IL4R: variants seen among roughly 807,000 people sequenced by gnomAD.
The protein encoded by IL4R is interleukin-4 receptor subunit alpha.
In IL4R, 17 loss-of-function variants were observed where a neutral mutation model predicts 41.5. The observed-to-expected ratio is 0.41, with a 90% CI of 0.28 to 0.61. The LOEUF is 0.61. Ranked by LOEUF, IL4R falls within the 20% of genes least tolerant of loss-of-function variation. The pLI is 0.31. For synonymous variants in IL4R, 402 were observed against 422.9 expected (o/e 0.95, Z 0.61); for missense variants, 974 against 1,043.1 (o/e 0.93, Z 0.91).
chr16:27,339,004 G>A (rs776625120), intron 2 of IL4R, among the ~76,000 whole-genome samples: 5 of 151,806 alleles, frequency 3.3e-5, no homozygotes, highest in Non-Finnish European at 5.9e-5. Context: ...ACAGGTGCCC[G>A]CCACCACACT....
intron 6 of IL4R, among the ~76,000 whole-genome samples, chr16:27,347,277 G>A (rs917043853): frequency 6.6e-6 from 1 of 152,098 alleles, no homozygotes; most frequent in Non-Finnish European, 1.5e-5. Flanking sequence ...TGCAACCTCC[G>A]CCTCCTGGGT....
intron 1 of IL4R, among the ~76,000 whole-genome samples, chr16:27,327,936 G>T (rs138284155): frequency 1.3e-5 from 2 of 152,082 alleles, no homozygotes; most frequent in Non-Finnish European, 2.9e-5. Context: ...TTGAGGCCAG[G>T]TGCGGTAGCT....
At chr16:27,360,171 C>T (rs777570942) in intron 9 of IL4R, among the ~76,000 whole-genome samples, 28 of 152,212 alleles carry the variant, frequency 1.8e-4, no homozygotes, top group Admixed American at 3.9e-4. Context: ...TGTGCCACCA[C>T]GCCAGGCTAA....
intron 3 of IL4R, among the ~76,000 whole-genome samples, chr16:27,340,917 T>G (rs895611371): frequency 5.3e-5 from 8 of 152,108 alleles, no homozygotes; most frequent in Non-Finnish European, 1.0e-4. Flanking sequence ...GCACTGAGCC[T>G]GGCGGGAGGG....
Position 27,364,172 on chromosome 16 carries a change from C to T in IL4R, c.*342C>T, listed in dbSNP as rs1454194228. ...TCCACAGCTTCTGCAGCAGACTGTCCCTGTTGTAACTGCCCAAGGCATGTT... is the reference window on the plus strand; with the variant it reads ...TCCACAGCTTCTGCAGCAGACTGTCTCTGTTGTAACTGCCCAAGGCATGTT... On this transcript the variant is annotated 3_prime_UTR_variant, in exon 11 of 11. Coordinates refer to ENST00000395762, the MANE Select transcript of IL4R (RefSeq NM_000418.4). The T allele has an allele frequency of 5.3e-5, 13 of 247,534 alleles. No individual in the cohort carries two copies. Among genetic ancestry groups the T allele is most frequent in the Non-Finnish European group, 1.0e-4 (13 of 128,534 alleles). The allele number at this position is 247,534 out of a possible 1,614,324, so 15.3% of individuals were successfully genotyped here.
chr16:27,355,593 C>G (rs2086036009), intron 7 of IL4R: 1 of 512,070 alleles, frequency 2.0e-6, no homozygotes, highest in South Asian at 2.2e-5. Flanking sequence ...TGGCACTGAG[C>G]TTTGGAGGAG....
rs1342135408 is a variant in IL4R, at chr16:27,345,748, A to C, written c.362-719A>C. The C allele has an allele frequency of 6.5e-6, 1 of 153,646 alleles. No individual in the cohort carries two copies. Among genetic ancestry groups the C allele is most frequent in the African/African-American group, 2.4e-5 (1 of 41,390 alleles). The allele number at this position is 153,646 out of a possible 1,614,324, so 9.5% of individuals were successfully genotyped here. ...CACTTTGGGAGGCCGAGCCCAGCGG[A>C]TCACCGGAGGTCAGGAGTTCGAGAC... On this transcript the variant is annotated intron_variant, in intron 5 of 10. Transcript: ENST00000395762. This position sits in a 1 kb window ranked among gnomAD's most constrained non-coding sequence, Gnocchi z 4.5.
At chr16:27,356,655 G>A (rs1293064161) in intron 8 of IL4R, among the ~76,000 whole-genome samples, 1 of 152,104 alleles carries the variant, frequency 6.6e-6, no homozygotes, top group African/African-American at 2.4e-5. Flanking sequence ...TACAACGCTG[G>A]GTGCCTGGGC....
At chr16:27,315,875 C>CTGCAGTCACTCACCCCATTTACAACACA (rs1331545941) in intron 1 of IL4R, among the ~76,000 whole-genome samples, 2 of 152,152 alleles carry the variant, frequency 1.3e-5, no homozygotes, top group Non-Finnish European at 2.9e-5. Flanking sequence ...GGAGGAAAAC[C>CTGCAGTCACTCACCCCATTTACAACACA]TGCAGTCACT....
At chr16:27,354,630 G>A (rs951735419) in intron 7 of IL4R, among the ~76,000 whole-genome samples, 5 of 152,362 alleles carry the variant, frequency 3.3e-5, no homozygotes, top group Middle Eastern at 3.4e-3. Flanking sequence ...CCTGACAAGG[G>A]AGAGAGGAAA....
intron 1 of IL4R, among the ~76,000 whole-genome samples, chr16:27,327,095 C>T (rs903010955): frequency 2.0e-5 from 3 of 152,158 alleles, no homozygotes; most frequent in Non-Finnish European, 2.9e-5. Flanking sequence ...GGTTTCAGGC[C>T]AGTTTCTGTC....
intron 10 of IL4R, 161 bp downstream of exon 10, chr16:27,360,976 A>C: frequency 6.6e-7 from 1 of 1,504,086 alleles, no homozygotes; most frequent in Non-Finnish European, 8.9e-7. Context: ...TGTTCTGGAA[A>C]CGTGGACTGC....
rs958396780 is a variant in IL4R, at chr16:27,315,758, C to A, written c.-152+1738C>A. Among the ~76,000 whole-genome samples the A allele has an allele frequency of 2.0e-5, 3 of 152,272 alleles. No homozygotes were observed. In the East Asian group the frequency reaches 5.8e-4, roughly 29 times the overall value. On this transcript the variant is annotated intron_variant, in intron 1 of 10. Coordinates refer to ENST00000395762, the MANE Select transcript of IL4R (RefSeq NM_000418.4). Reference sequence around the variant, plus strand: ...GAATGCCATGCCAAGGAACTTGGGCCAGTGTATTCACCTTGGCTTGAGTTG... The same window carrying A: ...GAATGCCATGCCAAGGAACTTGGGCAAGTGTATTCACCTTGGCTTGAGTTG...
chr16:27,318,307 A>G (rs998012263), intron 1 of IL4R, among the ~76,000 whole-genome samples: 5 of 152,110 alleles, frequency 3.3e-5, no homozygotes, highest in African/African-American at 1.2e-4. Context: ...ATTCTGAACT[A>G]TGTCTGGCCC....
chr16:27,348,378 G>C (rs992981067), intron 6 of IL4R, among the ~76,000 whole-genome samples: 3 of 152,174 alleles, frequency 2.0e-5, no homozygotes, highest in Non-Finnish European at 2.9e-5. Flanking sequence ...GGATGGGCTG[G>C]GGGGAAGAGA....
At chr16:27,314,435 A>T (rs1465880577) in intron 1 of IL4R, among the ~76,000 whole-genome samples, 5 of 152,170 alleles carry the variant, frequency 3.3e-5, no homozygotes. Flanking sequence ...GAGAACTGTA[A>T]ATTTGAGTAG....
At chr16:27,327,085 G>A (rs1338674254) in intron 1 of IL4R, among the ~76,000 whole-genome samples, 6 of 152,174 alleles carry the variant, frequency 3.9e-5, no homozygotes, top group African/African-American at 9.6e-5. Context: ...CAGGAGCTGA[G>A]GTTTCAGGCC....
intron 1 of IL4R, among the ~76,000 whole-genome samples, chr16:27,319,536 A>G (rs2084750376): frequency 6.6e-6 from 1 of 152,202 alleles, no homozygotes; most frequent in African/African-American, 2.4e-5. Context: ...ACTCCCTGCC[A>G]TCCATCTGCC....
intron 1 of IL4R, among the ~76,000 whole-genome samples, chr16:27,328,792 A>G (rs922688111): frequency 2.3e-4 from 35 of 152,238 alleles, no homozygotes; most frequent in African/African-American, 6.7e-4. Flanking sequence ...TGAGGTGGCT[A>G]TTTCACATCT....
Sources: gnomAD v4.1 joint callset for allele counts (sites outside exome capture counted in the v4.1 genomes callset) on GRCh38, gnomAD v4.1.1 for gene constraint, Gnocchi (gnomAD v3.1) non-coding constraint, MANE v1.5 for transcripts, NCBI Gene and HGNC (gene_info 2026-07-23, HGNC 2026-07-21) for gene names.